Variants in MPP7 observed in about 807,000 individuals in gnomAD.
The protein encoded by MPP7 is MAGUK p55 scaffold protein 7.
In MPP7, 60 loss-of-function variants were observed where a neutral mutation model predicts 76.5. The observed-to-expected ratio is 0.78, with a 90% CI of 0.64 to 0.97. The LOEUF (loss-of-function observed/expected upper bound fraction) is 0.97, where lower values mean the gene tolerates loss of function less well. Among genes scored for constraint, MPP7 ranks in the 50% least tolerant of loss-of-function variants. The pLI is 0.00. For missense variants in MPP7, 641 were observed against 694.0 expected, an observed-to-expected ratio of 0.92 and a Z score of 0.86; for synonymous variants, 237 against 244.5, an observed-to-expected ratio of 0.97 and a Z score of 0.29.
chr10:28,155,675 T>C (rs1222207033), intron 3 of MPP7, among the ~76,000 whole-genome samples: 5 of 152,042 alleles, frequency 3.3e-5, no homozygotes, highest in African/African-American at 1.2e-4. Context: ...TCACTCCATT[T>C]TCCTTGGACA....
chr10:28,126,210 A>C (rs1835013271), intron 6 of MPP7, among the ~76,000 whole-genome samples: 1 of 152,232 alleles, frequency 6.6e-6, no homozygotes, highest in Admixed American at 6.5e-5. Context: ...GCATGTATTC[A>C]AGGCCAGAGA....
chr10:28,244,396 C>A (rs1032188693), intron 1 of MPP7, among the ~76,000 whole-genome samples: 3 of 151,980 alleles, frequency 2.0e-5, no homozygotes, highest in Middle Eastern at 3.2e-3. Flanking sequence ...ATCTCAGACT[C>A]GTCACTATAC....
chr10:28,315,331 AAAG>A (rs1834308511), intron 2 of MPP7, among the ~76,000 whole-genome samples: 1 of 144,096 alleles, frequency 6.9e-6, no homozygotes, highest in Admixed American at 6.9e-5. Flanking sequence ...AAAGAGAGGG[AAAG>A]AAGGAGGGAG....
At chr10:28,276,140 C>T (rs1840490292) in intron 1 of MPP7, among the ~76,000 whole-genome samples, 1 of 151,278 alleles carries the variant, frequency 6.6e-6, no homozygotes, top group African/African-American at 2.4e-5. Flanking sequence ...AAGCGATTCT[C>T]CTGCCTCAGC....
At position 28,197,625 on chromosome 10, in the gene MPP7, C is replaced by T. The variant is rs565181556; in HGVS notation, c.156+4528G>A. ...TCCAAATGAGGCCTATCTTAGAATA[C>T]TGTAATCATCCATCCCTTCATTTAT... On this transcript the variant is annotated intron_variant, in intron 3 of 16. Transcript: ENST00000683449. 2.0e-5 allele frequency among the ~76,000 whole-genome samples: 3 copies of T among 152,284 alleles called. No individual in the cohort carries two copies. The East Asian group carries it at 5.8e-4, about 29-fold the overall frequency.
chr10:28,202,369 A>AGC, intron 2 of MPP7, 98 bp from the exon 3 acceptor site: 5 of 759,136 alleles, frequency 6.6e-6, no homozygotes, highest in Non-Finnish European at 8.6e-6. Flanking sequence ...TGCCAATTTT[A>AGC]CTGGATTTGT....
chr10:28,224,885 A>T (rs10826429), intron 2 of MPP7, among the ~76,000 whole-genome samples: 26,396 of 152,164 alleles, frequency 0.17, 2,593 homozygotes, highest in African/African-American at 0.26. Context: ...AAATTTTTTA[A>T]TTCTAAATTT....
chr10:28,272,414 A>G (rs1424325069), intron 1 of MPP7, among the ~76,000 whole-genome samples: 5 of 152,178 alleles, frequency 3.3e-5, no homozygotes, highest in Non-Finnish European at 5.9e-5. Flanking sequence ...ATCTGTACAT[A>G]TATTGTGTGT....
At chr10:28,320,187 T>C (rs1389816856) in intron 2 of MPP7, among the ~76,000 whole-genome samples, 1 of 152,038 alleles carries the variant, frequency 6.6e-6, no homozygotes, top group Admixed American at 6.6e-5. Context: ...AGGAGAGAAA[T>C]GGGCCGAGAA....
At chr10:28,173,936 G>A (rs906032686) in intron 3 of MPP7, among the ~76,000 whole-genome samples, 2 of 152,246 alleles carry the variant, frequency 1.3e-5, no homozygotes, top group Admixed American at 6.5e-5. Context: ...AGATTTTTCT[G>A]CAAATAAGAC....
At chr10:28,155,131 C>G (rs1022904230) in intron 3 of MPP7, among the ~76,000 whole-genome samples, 8 of 152,000 alleles carry the variant, frequency 5.3e-5, no homozygotes, top group African/African-American at 1.9e-4. Context: ...TAAAACGTGG[C>G]GAGTCTGGGA....
intron 3 of MPP7, among the ~76,000 whole-genome samples, chr10:28,198,553 C>T (rs1050514903): frequency 3.4e-5 from 5 of 145,878 alleles, no homozygotes; most frequent in African/African-American, 1.3e-4. Flanking sequence ...CCAGCCTGGG[C>T]AACAGAGCAA....
chr10:28,247,141 A>G (rs1839462999), intron 1 of MPP7, among the ~76,000 whole-genome samples: 1 of 152,186 alleles, frequency 6.6e-6, no homozygotes, highest in South Asian at 2.1e-4. Context: ...CTAAGTACTA[A>G]TTAATATTAA....
intron 2 of MPP7, among the ~76,000 whole-genome samples, chr10:28,308,827 C>T (rs1841273513): frequency 6.6e-6 from 1 of 152,000 alleles, no homozygotes; most frequent in Admixed American, 6.5e-5. Context: ...TCTATTGTCT[C>T]TTCCTGCTTC....
intron 11 of MPP7, among the ~76,000 whole-genome samples, chr10:28,110,606 G>T (rs974246305): frequency 6.6e-6 from 1 of 152,128 alleles, no homozygotes; most frequent in African/African-American, 2.4e-5. Flanking sequence ...TTCTTTTAAA[G>T]AACTGATAAA....
intron 2 of MPP7, among the ~76,000 whole-genome samples, chr10:28,224,777 G>A (rs907178314): frequency 2.0e-5 from 3 of 151,980 alleles, no homozygotes; most frequent in African/African-American, 7.2e-5. Flanking sequence ...TCTGTGTTAG[G>A]AGAAGTTAAA....
intron 13 of MPP7, 143 bp from the exon 14 acceptor site, chr10:28,059,886 C>T (rs1361922): frequency 0.62 from 389,785 of 630,214 alleles, 125,284 homozygotes; most frequent in East Asian, 1. Context: ...TAATAAAATA[C>T]AGTAAGCTGT....
chr10:28,141,009 A>G (rs1835499141), intron 5 of MPP7, among the ~76,000 whole-genome samples: 1 of 152,136 alleles, frequency 6.6e-6, no homozygotes, highest in Non-Finnish European at 1.5e-5. Context: ...TTTTTTTTAA[A>G]TACTAAAGTA....
intron 1 of MPP7, among the ~76,000 whole-genome samples, chr10:28,276,062 G>A (rs7100983): frequency 0.16 from 20,924 of 133,392 alleles, 1,662 homozygotes; most frequent in South Asian, 0.2. Context: ...ATGGAGTCTT[G>A]CTCTGTTGTC....
Sources: allele counts gnomAD v4.1 joint callset (sites outside exome capture counted in the v4.1 genomes callset), GRCh38; gene constraint gnomAD v4.1.1; transcripts MANE v1.5; gene names NCBI Gene and HGNC (gene_info 2026-07-23, HGNC 2026-07-21).